The following TOX variants were observed in gnomAD, a reference collection of about 807,000 sequenced individuals.
TOX encodes the protein thymocyte selection associated high mobility group box, also known as thymocyte selection-associated high mobility group box protein TOX.
A neutral mutation model predicts 53.7 loss-of-function variants in TOX; 11 were observed. The observed-to-expected ratio is 0.20, with a 90% CI of 0.13 to 0.34. The LOEUF (loss-of-function observed/expected upper bound fraction) is 0.34. Among genes scored for constraint, TOX ranks in the 10% least tolerant of loss-of-function variants. TOX has a pLI of 1.00. For missense variants in TOX, 570 were observed against 664.6 expected, an observed-to-expected ratio of 0.86 and a Z score of 1.56; for synonymous variants, 225 against 245.3, an observed-to-expected ratio of 0.92 and a Z score of 0.77.
At chr8:58,879,039 C>A (rs1237262826) in intron 3 of TOX, among the ~76,000 whole-genome samples, 1 of 136,310 alleles carries the variant, frequency 7.3e-6, no homozygotes, top group Non-Finnish European at 1.5e-5. Context: ...CCAGCCTAGG[C>A]GACAAAGCAA....
At chr8:59,047,564 ATTT>A (rs35966391) in intron 1 of TOX, among the ~76,000 whole-genome samples, 9,860 of 144,344 alleles carry the variant, frequency 0.068, 363 homozygotes, top group East Asian at 0.21. Context: ...CTCATCAGAG[ATTT>A]TTTTTTTTTC....
intron 1 of TOX, among the ~76,000 whole-genome samples, chr8:59,058,938 C>G (rs2129421803): frequency 6.6e-6 from 1 of 152,328 alleles, no homozygotes; most frequent in Non-Finnish European, 1.5e-5. Flanking sequence ...TTTAATCTTG[C>G]ACATCAAGCA....
chr8:59,026,122 G>GTT (rs5891707), intron 1 of TOX, among the ~76,000 whole-genome samples: 34,871 of 150,494 alleles, frequency 0.23, 4,584 homozygotes, highest in Non-Finnish European at 0.32. Flanking sequence ...TTAATTTTAT[G>GTT]TTTTTTTTTT....
intron 3 of TOX, among the ~76,000 whole-genome samples, chr8:58,891,600 G>C (rs1036091977): frequency 2.0e-5 from 3 of 152,128 alleles, no homozygotes; most frequent in Admixed American, 6.5e-5. Context: ...TAGGTAAGGG[G>C]AACAGGTGAA....
intron 1 of TOX, among the ~76,000 whole-genome samples, chr8:58,979,393 T>G (rs1327380864): frequency 6.6e-6 from 1 of 152,244 alleles, no homozygotes. Flanking sequence ...GCAATTATCC[T>G]GTTAATTTGA....
At chr8:59,020,830 G>A (rs1814111961) in intron 1 of TOX, among the ~76,000 whole-genome samples, 1 of 152,058 alleles carries the variant, frequency 6.6e-6, no homozygotes, top group Non-Finnish European at 1.5e-5. Context: ...TTTACTTAAA[G>A]TTGTATCTAT....
intron 3 of TOX, among the ~76,000 whole-genome samples, chr8:58,924,401 A>T (rs1812121215): frequency 6.6e-6 from 1 of 152,246 alleles, no homozygotes; most frequent in Admixed American, 6.5e-5. Context: ...TGTCACAAAT[A>T]CTCACTCGAA....
intron 1 of TOX, among the ~76,000 whole-genome samples, chr8:58,962,996 A>C (rs760515454): frequency 2.6e-5 from 4 of 152,212 alleles, no homozygotes; most frequent in Non-Finnish European, 5.9e-5. Context: ...GCTCTCCCCA[A>C]GGTGGGTGGG....
chr8:59,063,212 A>C (rs566807275), intron 1 of TOX, among the ~76,000 whole-genome samples: 1 of 152,258 alleles, frequency 6.6e-6, no homozygotes, highest in South Asian at 2.1e-4. Context: ...TGCAACTACC[A>C]ATACTGTGCA....
At chr8:58,998,493 G>GTATATATATATATA (rs61434586) in intron 1 of TOX, among the ~76,000 whole-genome samples, 18 of 63,606 alleles carry the variant, frequency 2.8e-4, no homozygotes, top group African/African-American at 7.7e-4. Context: ...CATCTCAAAA[G>GTATATATATATATA]TATATATATA....
At chr8:59,105,337 G>A (rs1257975589) in intron 1 of TOX, among the ~76,000 whole-genome samples, 1 of 152,116 alleles carries the variant, frequency 6.6e-6, no homozygotes, top group African/African-American at 2.4e-5. Flanking sequence ...CTTTAAAAGT[G>A]AAATGCATTC....
In TOX at chr8:58,891,200, A is replaced by C. The variant is rs778942280; in HGVS notation, c.412-39395T>G. Among the ~76,000 whole-genome samples, 11 of 152,302 alleles carry C rather than the reference A, an allele frequency of 7.2e-5. No homozygotes were observed. The South Asian group carries it at 8.3e-4, about 11-fold the overall frequency. On this transcript the variant is annotated intron_variant, in intron 3 of 8. Transcript: ENST00000361421. ...CGCTGAGTTGTCTTTTAAGAAAATA[A>C]AAGACCTAAACACATTTTTAGGTAG...
intron 1 of TOX, among the ~76,000 whole-genome samples, chr8:59,015,694 C>G (rs780892476): frequency 2.3e-4 from 35 of 152,184 alleles, no homozygotes; most frequent in Non-Finnish European, 4.7e-4. Context: ...AAATAAATAG[C>G]TGACTAACCC....
chr8:58,815,809 C>T, intron 6 of TOX, 85 bp from the exon 7 acceptor site: 2 of 1,450,090 alleles, frequency 1.4e-6, no homozygotes, highest in East Asian at 2.3e-5. Flanking sequence ...TTTATTAAAG[C>T]ACCTTCCCTG....
Position 58,890,799 on chromosome 8 carries a change from G to A in TOX, c.412-38994C>T, listed in dbSNP as rs114940757. Among the ~76,000 whole-genome samples the A allele has an allele frequency of 6.2e-3, 946 of 152,230 alleles. 13 individuals carry two copies. The highest frequency in any genetic ancestry group is 0.021 in the African/African-American group (890 of 41,532). On this transcript the variant is annotated intron_variant, in intron 3 of 8. Transcript: ENST00000361421. The stretch of plus-strand genomic sequence containing the variant: ...TTGAGGTTGAAAATGAGAGTAGTGT[G>A]GGTGACATAGATGTGTCAGTCCCCT...
intron 1 of TOX, among the ~76,000 whole-genome samples, chr8:59,083,866 G>C (rs969668855): frequency 6.6e-6 from 1 of 152,082 alleles, no homozygotes; most frequent in Non-Finnish European, 1.5e-5. Flanking sequence ...CCTAAATTCA[G>C]GAACAAGCCT....
At chr8:59,094,395 T>C (rs1173845017) in intron 1 of TOX, among the ~76,000 whole-genome samples, 1 of 152,106 alleles carries the variant, frequency 6.6e-6, no homozygotes, top group African/African-American at 2.4e-5. Flanking sequence ...CCCAGCACTC[T>C]GGGAGGCCAA....
intron 1 of TOX, among the ~76,000 whole-genome samples, chr8:59,089,437 C>T (rs1804568962): frequency 6.6e-6 from 1 of 152,182 alleles, no homozygotes; most frequent in African/African-American, 2.4e-5. Flanking sequence ...AGAGTTCCTG[C>T]AAGTCCCTCA....
intron 3 of TOX, among the ~76,000 whole-genome samples, chr8:58,878,382 A>C (rs1365463759): frequency 3.9e-5 from 6 of 152,220 alleles, no homozygotes; most frequent in Non-Finnish European, 7.3e-5. Context: ...GGCCAAAGAA[A>C]CTTTAGAATT....
Sources: gnomAD v4.1 joint callset for allele counts (sites outside exome capture counted in the v4.1 genomes callset) on GRCh38, gnomAD v4.1.1 for gene constraint, MANE v1.5 for transcripts, NCBI Gene and HGNC (gene_info 2026-07-23, HGNC 2026-07-21) for gene names.